NPHP1: variants seen among roughly 807,000 people sequenced by gnomAD.
NPHP1 encodes the protein nephrocystin 1.
In NPHP1, 70 loss-of-function variants were observed where a neutral mutation model predicts 90.4. The ratio of observed to expected loss-of-function variants is 0.77; its 90% CI spans 0.64 to 0.95. NPHP1 has a LOEUF of 0.95. Ranked by LOEUF, NPHP1 falls within the 40% of genes least tolerant of loss-of-function variation. The pLI, the probability that NPHP1 is intolerant of heterozygous loss-of-function variation, is 0.00. For missense variants in NPHP1, 764 were observed against 795.9 expected (o/e 0.96, Z 0.48); for synonymous variants, 256 against 271.7 (o/e 0.94, Z 0.57).
chr2:110,135,176 A>G (rs1680076906), intron 16 of NPHP1, among the ~76,000 whole-genome samples: 1 of 152,108 alleles, frequency 6.6e-6, no homozygotes, highest in South Asian at 2.1e-4. Flanking sequence ...CAACAAAACA[A>G]TTTACAATAG....
intron 16 of NPHP1, among the ~76,000 whole-genome samples, chr2:110,137,240 A>T (rs1448398035): frequency 2.0e-5 from 3 of 152,156 alleles, no homozygotes; most frequent in African/African-American, 4.8e-5. Flanking sequence ...AACCTAGGCA[A>T]TCTCATTCAG....
chr2:110,162,208 C>T (rs145147532), intron 9 of NPHP1, among the ~76,000 whole-genome samples: 4,065 of 152,192 alleles, frequency 0.027, 105 homozygotes, highest in Non-Finnish European at 0.035. Context: ...AGAGATATGT[C>T]CCCTGCCCTC....
intron 14 of NPHP1, 45 bp downstream of exon 14, chr2:110,146,707 AT>A: frequency 7.1e-7 from 1 of 1,399,282 alleles, no homozygotes. Context: ...TAAAAAATGA[AT>A]TTTTACAGAA....
At chr2:110,148,145 G>A in intron 12 of NPHP1, 119 bp from the exon 13 acceptor site, 1 of 735,852 alleles carries the variant, frequency 1.4e-6, no homozygotes, top group East Asian at 2.7e-5. Context: ...CAATGTTGAA[G>A]GTGAGGCCTG....
chr2:110,143,391 C>T, intron 16 of NPHP1, 151 bp downstream of exon 16: 1 of 659,656 alleles, frequency 1.5e-6, no homozygotes, highest in Non-Finnish European at 2.7e-6. Context: ...CTTTGTTACC[C>T]ATTTCCCTAC....
chr2:110,182,595 A>C (rs1221844877), intron 2 of NPHP1, among the ~76,000 whole-genome samples: 2 of 152,178 alleles, frequency 1.3e-5, no homozygotes, highest in Admixed American at 6.5e-5. Flanking sequence ...GCAAATGCTT[A>C]GGGAATTTGT....
In NPHP1 at chr2:110,147,924, T is replaced by A; in HGVS notation, c.1261A>T (p.Ile421Phe). ...GILFELGISY[I>F]RNSTGERGEL... is the part of the protein sequence containing the mutation. The stretch of plus-strand genomic sequence containing the variant: ...TCTTTCAACGGACATACATTGCGAA[T>A]ATAAGAAATTCCAAGTTCAAATAAT... The change falls in exon 13 of 20, where the codon ATT (isoleucine) becomes TTT (phenylalanine). Residue 421 changes from isoleucine (I) to phenylalanine (F), a missense_variant. Coordinates refer to ENST00000445609, the MANE Select transcript of NPHP1 (RefSeq NM_001128178.3). The A allele has an allele frequency of 6.4e-7, 1 of 1,557,536 alleles. No individual in the cohort carries two copies. The highest frequency in any genetic ancestry group is 8.9e-7 in the Non-Finnish European group (1 of 1,128,226).
chr2:110,131,537 G>A, intron 17 of NPHP1, 142 bp downstream of exon 17: 1 of 661,342 alleles, frequency 1.5e-6, no homozygotes, highest in Non-Finnish European at 2.8e-6. Context: ...TGTCCCATAA[G>A]TAATGTATTA....
chr2:110,184,942 C>T (rs1039170152), intron 2 of NPHP1: 17 of 675,088 alleles, frequency 2.5e-5, no homozygotes, highest in Admixed American at 8.9e-5. Flanking sequence ...CAGACATGGA[C>T]CTGCAGTTCA....
In NPHP1 at chr2:110,169,818, A is replaced by T. The variant is rs201150109; in HGVS notation, c.510T>A (p.Asp170Glu). ...TTATTCTACCTACCTTAAATGTAAG[A>T]TCTCCAACTTGCTGAGCAGTAAAAT... is the stretch of plus-strand genomic sequence containing the variant. ...VGDFTAQQVGDLTFKKGEILL... is the reference protein window; with the variant it reads ...VGDFTAQQVGELTFKKGEILL... The change falls in exon 5 of 20, where the codon GAT (aspartate) becomes GAA (glutamate). Residue 170 changes from aspartate to glutamate, a missense_variant. By Grantham distance (45) the Asp-to-Glu change is conservative. Coordinates refer to ENST00000445609, the MANE Select transcript of NPHP1 (RefSeq NM_001128178.3). 6.2e-7 allele frequency: 1 copy of T among 1,611,574 alleles called. No individual in the cohort carries two copies. The highest frequency in any genetic ancestry group is 1.7e-5 in the Admixed American group (1 of 59,988).
intron 3 of NPHP1, chr2:110,178,836 C>T (rs779662917): frequency 7.3e-6 from 2 of 272,188 alleles, no homozygotes; most frequent in South Asian, 6.4e-5. Flanking sequence ...GACAGAAGAT[C>T]GGCTTTAAAG....
At chr2:110,166,374 T>C (rs1181871363) in intron 6 of NPHP1, among the ~76,000 whole-genome samples, 3 of 151,992 alleles carry the variant, frequency 2.0e-5, no homozygotes, top group African/African-American at 7.3e-5. Context: ...GATTTAACAA[T>C]GATCCAGTTA....
intron 2 of NPHP1, among the ~76,000 whole-genome samples, chr2:110,188,025 CAG>C (rs1178858723): frequency 1.3e-5 from 2 of 152,008 alleles, no homozygotes; most frequent in East Asian, 3.9e-4. Context: ...TCAAAATAAT[CAG>C]AGCCATATAT....
intron 11 of NPHP1, among the ~76,000 whole-genome samples, chr2:110,150,724 A>G (rs1191752709): frequency 6.6e-6 from 1 of 151,526 alleles, no homozygotes; most frequent in African/African-American, 2.4e-5. Context: ...TAATTTTTGT[A>G]TTTTTAGTAG....
chr2:110,167,744 G>C (rs1025570590), intron 6 of NPHP1, among the ~76,000 whole-genome samples: 1 of 152,158 alleles, frequency 6.6e-6, no homozygotes, highest in Non-Finnish European at 1.5e-5. Flanking sequence ...ACTGGCAACG[G>C]AAGTGAGCAG....
chr2:110,194,622 A>G (rs1460878310), intron 2 of NPHP1, among the ~76,000 whole-genome samples: 2 of 152,182 alleles, frequency 1.3e-5, no homozygotes, highest in Non-Finnish European at 2.9e-5. Context: ...ATTCCAATCA[A>G]TAGAAAAAGA....
At chr2:110,182,544 G>C (rs1392628274) in intron 2 of NPHP1, among the ~76,000 whole-genome samples, 1 of 152,066 alleles carries the variant, frequency 6.6e-6, no homozygotes, top group Non-Finnish European at 1.5e-5. Context: ...GCCAAACTAA[G>C]CTTCATACAT....
chr2:110,186,397 TG>T (rs1271071540), intron 2 of NPHP1, among the ~76,000 whole-genome samples: 3 of 152,150 alleles, frequency 2.0e-5, no homozygotes, highest in African/African-American at 7.2e-5. Context: ...AGAGGTGGGA[TG>T]GCCCCCTCTT....
At chr2:110,170,092 T>C (rs1401762179) in intron 4 of NPHP1, 94 bp from the exon 5 acceptor site, 3 of 1,461,170 alleles carry the variant, frequency 2.1e-6, no homozygotes, top group Middle Eastern at 1.7e-4. Context: ...GAATATCCCA[T>C]ATTTGGAGCT....
Sources: gnomAD v4.1 joint callset for allele counts (sites outside exome capture counted in the v4.1 genomes callset) on GRCh38, gnomAD v4.1.1 for gene constraint, MANE v1.5 for transcripts, NCBI Gene and HGNC (gene_info 2026-07-23, HGNC 2026-07-21) for gene names.